FNIP2: variants seen among roughly 807,000 people sequenced by gnomAD.
FNIP2 encodes folliculin interacting protein 2.
FNIP2 carries 32 observed loss-of-function variants against 108.7 expected under a neutral mutation model. That is an observed-to-expected ratio of 0.29 (90% confidence interval 0.22 to 0.40). The LOEUF (loss-of-function observed/expected upper bound fraction) is 0.40, where lower values mean the gene tolerates loss of function less well. Ranked by LOEUF, FNIP2 falls within the 10% of genes least tolerant of loss-of-function variation. FNIP2 has a pLI of 1.00. For synonymous variants in FNIP2, 480 were observed against 496.7 expected (o/e 0.97, Z 0.45); for missense variants, 1,202 against 1,381.6 (o/e 0.87, Z 2.06).
rs1729766147 is a variant in FNIP2, at chr4:158,905,642, AT to A, written c.*1100del. On this transcript the variant is annotated 3_prime_UTR_variant, in exon 17 of 17. Transcript: ENST00000264433. ...TCCTTTTCAAAACATCTTTCCAGAC[AT>A]TAACTTACACATTGTATAAAACCGA... 6.6e-6 allele frequency: 1 copy of A among 151,636 alleles called. No homozygotes were observed. Among genetic ancestry groups the A allele is most frequent in the African/African-American group, 2.4e-5 (1 of 41,238 alleles). The allele number at this position is 151,636 out of a possible 1,614,324, so 9.4% of individuals were successfully genotyped here. A position where few individuals can be genotyped will look rare whatever the true frequency, so the allele number is the denominator to read the frequency against.
intron 14 of FNIP2, among the ~76,000 whole-genome samples, chr4:158,873,748 T>G (rs950084728): frequency 1.3e-5 from 2 of 152,270 alleles, no homozygotes; most frequent in African/African-American, 4.8e-5. Context: ...ACTACCTCTT[T>G]TCTGTCATTT....
chr4:158,784,734 G>A (rs1206611414), intron 1 of FNIP2, among the ~76,000 whole-genome samples: 1 of 152,184 alleles, frequency 6.6e-6, no homozygotes, highest in African/African-American at 2.4e-5. Flanking sequence ...ACAAGGTGGA[G>A]CTCAGGCAGT....
chr4:158,896,306 C>T lies in FNIP2; in HGVS notation c.3266+441C>T, dbSNP rs1159146379. Among the ~76,000 whole-genome samples the T allele has an allele frequency of 2.0e-5, 3 of 152,120 alleles. No homozygotes were observed. The East Asian group carries it at 5.8e-4, about 29-fold the overall frequency. On this transcript the variant is annotated intron_variant, in intron 16 of 16. Transcript: ENST00000264433. Reference sequence around the variant, plus strand: ...GCCCTTCTAGGCTTGAGGAGCCTGCCTGCGTGTCTGTGGGGGGACAGTGCT... The same window carrying T: ...GCCCTTCTAGGCTTGAGGAGCCTGCTTGCGTGTCTGTGGGGGGACAGTGCT...
chr4:158,847,490 T>C (rs572076162), intron 7 of FNIP2, among the ~76,000 whole-genome samples: 5 of 152,296 alleles, frequency 3.3e-5, no homozygotes, highest in Non-Finnish European at 5.9e-5. Context: ...AGACACAGCC[T>C]GGGCACAAAG....
At chr4:158,833,414 ATT>A (rs1778586805) in intron 5 of FNIP2, 112 bp from the exon 6 acceptor site, 7 of 635,808 alleles carry the variant, frequency 1.1e-5, no homozygotes, top group Non-Finnish European at 1.7e-5. Flanking sequence ...AAAGAAAAGT[ATT>A]GAGTGACTGA....
intron 3 of FNIP2, among the ~76,000 whole-genome samples, chr4:158,831,337 G>A (rs1394753185): frequency 1.3e-5 from 2 of 152,152 alleles, no homozygotes; most frequent in Non-Finnish European, 2.9e-5. Flanking sequence ...AGCTAGAGGG[G>A]TCAAATGTTG....
chr4:158,875,220 C>G (rs1367000704), intron 14 of FNIP2, among the ~76,000 whole-genome samples: 1 of 152,086 alleles, frequency 6.6e-6, no homozygotes, highest in Non-Finnish European at 1.5e-5. Context: ...CCTGTACACA[C>G]ATTCATTGAG....
At position 158,769,317 on chromosome 4, in the gene FNIP2, T is replaced by C; in HGVS notation, c.105T>C (p.Phe35=). The C allele has an allele frequency of 6.7e-7, 1 of 1,494,446 alleles. No individual in the cohort carries two copies. Among genetic ancestry groups the C allele is most frequent in the Non-Finnish European group, 8.9e-7 (1 of 1,122,240 alleles). The allele number at this position is 1,494,446 out of a possible 1,614,324, so 92.6% of individuals were successfully genotyped here. ...QGRAPKEGPA[F]SWSCSEFDLN... Reference sequence around the variant, plus strand: ...GGGCTCCTAAGGAAGGACCCGCCTTTAGGTGAGGGGGCGCCGGGGGGCAAT... The same window carrying C: ...GGGCTCCTAAGGAAGGACCCGCCTTCAGGTGAGGGGGCGCCGGGGGGCAAT... Residue 35 remains phenylalanine (F), a splice_region_variant and synonymous_variant, in exon 1 of 17, where the codon TTT becomes TTC. Coordinates refer to ENST00000264433, the MANE Select transcript of FNIP2 (RefSeq NM_020840.3).
intron 16 of FNIP2, among the ~76,000 whole-genome samples, chr4:158,896,508 G>T (rs571495574): frequency 3.9e-4 from 59 of 152,264 alleles, no homozygotes; most frequent in Middle Eastern, 3.4e-3. Flanking sequence ...TTGGGGAACT[G>T]CCCCCGCTTA....
intron 14 of FNIP2, chr4:158,889,755 A>G: frequency 1.1e-6 from 1 of 910,340 alleles, no homozygotes. Flanking sequence ...AATGCAAAGC[A>G]GTGAAGGAGT....
intron 10 of FNIP2, among the ~76,000 whole-genome samples, chr4:158,860,286 G>C (rs1480361987): frequency 1.3e-5 from 2 of 152,128 alleles, no homozygotes; most frequent in African/African-American, 2.4e-5. Flanking sequence ...ATGAGCGAAT[G>C]AGTCAAACTG....
rs550432655 is a variant in FNIP2 at position 158,884,389 on chromosome 4, CAT to C, written c.2950-7056_2950-7055del. On this transcript the variant is annotated intron_variant, in intron 14 of 16. Coordinates refer to ENST00000264433, the MANE Select transcript of FNIP2 (RefSeq NM_020840.3). ...CTTATAAAATCACTGAGTAGACAAACATGTGAAATCAAGAACAAGTTAAGACA... is the reference window on the plus strand; with the variant it reads ...CTTATAAAATCACTGAGTAGACAAACGTGAAATCAAGAACAAGTTAAGACA... Among the ~76,000 whole-genome samples, 19 of 152,284 alleles carry C rather than the reference CAT, an allele frequency of 1.2e-4. No homozygotes were observed. In the East Asian group the frequency reaches 2.5e-3, roughly 20 times the overall value.
intron 1 of FNIP2, among the ~76,000 whole-genome samples, chr4:158,820,154 G>GT (rs1358250471): frequency 2.6e-5 from 4 of 152,108 alleles, no homozygotes; most frequent in African/African-American, 9.7e-5. Context: ...TATCATTCCT[G>GT]ACTGTTTAAA....
chr4:158,826,887 G>T (rs1778188737), intron 2 of FNIP2, among the ~76,000 whole-genome samples: 1 of 152,142 alleles, frequency 6.6e-6, no homozygotes, highest in Non-Finnish European at 1.5e-5. Flanking sequence ...TCAATAAGTT[G>T]CTACCCATAC....
At chr4:158,857,448 C>T (rs548730691) in intron 8 of FNIP2, among the ~76,000 whole-genome samples, 3 of 152,180 alleles carry the variant, frequency 2.0e-5, no homozygotes, top group South Asian at 4.2e-4. Context: ...GATTAGAATC[C>T]GGGAATTTCC....
intron 1 of FNIP2, among the ~76,000 whole-genome samples, chr4:158,781,942 G>A (rs1776065129): frequency 6.6e-6 from 1 of 151,642 alleles, no homozygotes; most frequent in South Asian, 2.1e-4. Flanking sequence ...TGCCTTTCTT[G>A]CAAGTTTGTC....
At chr4:158,886,993 G>A (rs1245219378) in intron 14 of FNIP2, among the ~76,000 whole-genome samples, 2 of 152,164 alleles carry the variant, frequency 1.3e-5, no homozygotes, top group East Asian at 3.9e-4. Flanking sequence ...AAACTGACAG[G>A]TATCCATAGC....
chr4:158,869,565 A>G (rs1780811558), intron 13 of FNIP2, 137 bp downstream of exon 13: 1 of 1,248,636 alleles, frequency 8.0e-7, no homozygotes, highest in South Asian at 1.6e-5. Flanking sequence ...TACTAGAAGT[A>G]TTATTAATTC....
At chr4:158,786,683 G>A (rs899265334) in intron 1 of FNIP2, among the ~76,000 whole-genome samples, 6 of 152,078 alleles carry the variant, frequency 3.9e-5, no homozygotes, top group Admixed American at 1.3e-4. Context: ...AAAACAGCTC[G>A]GTTTGGGAAA....
Sources: gnomAD v4.1 joint callset for allele counts (sites outside exome capture counted in the v4.1 genomes callset) on GRCh38, gnomAD v4.1.1 for gene constraint, MANE v1.5 for transcripts, NCBI Gene and HGNC (gene_info 2026-07-23, HGNC 2026-07-21) for gene names.